Variants in CLIC4 observed in about 807,000 individuals in gnomAD.
The protein encoded by CLIC4 is chloride intracellular channel protein 4.
In CLIC4, 13 loss-of-function variants were observed where a neutral mutation model predicts 24.6. That is an observed-to-expected ratio of 0.53 (90% CI 0.34 to 0.84). The LOEUF (loss-of-function observed/expected upper bound fraction) is 0.84. Among genes scored for constraint, CLIC4 ranks in the 40% least tolerant of loss-of-function variants. The pLI is 0.01. For missense variants in CLIC4, 227 were observed against 301.7 expected (o/e 0.75, Z 1.83); for synonymous variants, 104 against 111.3 (o/e 0.93, Z 0.41).
At chr1:24,756,777 GTGGCGTGATCT>G (rs1638856657) in intron 1 of CLIC4, among the ~76,000 whole-genome samples, 1 of 151,872 alleles carries the variant, frequency 6.6e-6, no homozygotes, top group Non-Finnish European at 1.5e-5. Context: ...CTGGAGTGCA[GTGGCGTGATCT>G]TGGCTCACTG....
chr1:24,800,704 C>T (rs1024369054), intron 2 of CLIC4, among the ~76,000 whole-genome samples: 15 of 152,162 alleles, frequency 9.9e-5, no homozygotes, highest in African/African-American at 3.4e-4. Context: ...GGAGACTTTT[C>T]ATTTTGTTCT....
In CLIC4 at chr1:24,783,974, A is replaced by G. The variant is rs1160862101; in HGVS notation, c.73-13768A>G. ...ATCATGAGGAATTCAAAGTTTAACC[A>G]TGGGGCAAACTTCTTCATTCCAGTT... On this transcript the variant is annotated intron_variant, in intron 1 of 5. Coordinates refer to ENST00000374379, the MANE Select transcript of CLIC4 (RefSeq NM_013943.3). Among the ~76,000 whole-genome samples the G allele has an allele frequency of 2.6e-5, 4 of 150,980 alleles. No homozygotes were observed. In the East Asian group the frequency reaches 7.8e-4, roughly 29 times the overall value.
intron 1 of CLIC4, among the ~76,000 whole-genome samples, chr1:24,785,868 A>AG (rs1195971522): frequency 2.0e-5 from 3 of 151,194 alleles, no homozygotes; most frequent in Non-Finnish European, 4.4e-5. Flanking sequence ...AAAAAAAAAA[A>AG]AAAAAAAAGA....
intron 2 of CLIC4, among the ~76,000 whole-genome samples, chr1:24,802,711 C>CTTTTTTTTTTTTTT (rs535381018): frequency 7.3e-6 from 1 of 136,938 alleles, no homozygotes; most frequent in Non-Finnish European, 1.6e-5. Context: ...TTTTCTTTTT[C>CTTTTTTTTTTTTTT]TTTTTTTTTT....
intron 2 of CLIC4, among the ~76,000 whole-genome samples, chr1:24,811,859 C>A (rs544290419): frequency 6.6e-6 from 1 of 152,306 alleles, no homozygotes; most frequent in Non-Finnish European, 1.5e-5. Flanking sequence ...CACACCATAT[C>A]TGGTCATCTC....
chr1:24,835,407 A>G (rs560509987), intron 4 of CLIC4, among the ~76,000 whole-genome samples: 2 of 152,168 alleles, frequency 1.3e-5, no homozygotes, highest in Non-Finnish European at 2.9e-5. Flanking sequence ...TACTAAAAAT[A>G]CAAAAATCAG....
At chr1:24,777,888 T>C (rs530377380) in intron 1 of CLIC4, 7 of 152,362 alleles carry the variant, frequency 4.6e-5, no homozygotes, top group East Asian at 3.9e-4. Context: ...TGTGGAATGC[T>C]TCACAAATTT....
intron 2 of CLIC4, among the ~76,000 whole-genome samples, chr1:24,810,164 G>C (rs555991781): frequency 6.6e-6 from 1 of 152,244 alleles, no homozygotes; most frequent in African/African-American, 2.4e-5. Flanking sequence ...TAACCACAAT[G>C]CTCTGATCTC....
At chr1:24,802,050 C>T (rs914818674) in intron 2 of CLIC4, among the ~76,000 whole-genome samples, 2 of 152,130 alleles carry the variant, frequency 1.3e-5, no homozygotes, top group Admixed American at 1.3e-4. Context: ...AGGCACACAC[C>T]CTTACTGTGT....
At chr1:24,750,447 T>C in intron 1 of CLIC4, among the ~76,000 whole-genome samples, 1 of 151,190 alleles carries the variant, frequency 6.6e-6, no homozygotes, top group Admixed American at 6.6e-5. Context: ...TTTTTTTTTT[T>C]TTTTTTAAGA....
At chr1:24,840,744 TG>T in intron 5 of CLIC4, 28 bp from the exon 6 acceptor site, 1 of 1,565,842 alleles carries the variant, frequency 6.4e-7, no homozygotes, top group East Asian at 2.3e-5. Context: ...GAAATAAGTC[TG>T]TTAACTTTTG....
intron 1 of CLIC4, among the ~76,000 whole-genome samples, chr1:24,758,799 A>ATTTATT (rs1389061024): frequency 6.6e-6 from 1 of 151,612 alleles, no homozygotes; most frequent in Non-Finnish European, 1.5e-5. Flanking sequence ...ATTATTATTT[A>ATTTATT]TTTATTTTTA....
chr1:24,748,532 G>T (rs1333443150), intron 1 of CLIC4, among the ~76,000 whole-genome samples: 1 of 118,782 alleles, frequency 8.4e-6, no homozygotes, highest in Non-Finnish European at 1.7e-5. Flanking sequence ...TAATGAGATG[G>T]TGTCTCGCTC....
chr1:24,764,521 G>GC (rs1325841260), intron 1 of CLIC4, among the ~76,000 whole-genome samples: 1 of 152,064 alleles, frequency 6.6e-6, no homozygotes, highest in Non-Finnish European at 1.5e-5. Context: ...GTGTATTGAG[G>GC]CACACGCCTA....
At chr1:24,827,147 A>C (rs1432855130) in intron 4 of CLIC4, 31 bp downstream of exon 4, 1 of 1,398,018 alleles carries the variant, frequency 7.2e-7, no homozygotes. Context: ...TTAACATTGC[A>C]ACAAAAAACC....
chr1:24,808,542 G>T (rs1181634558), intron 2 of CLIC4, among the ~76,000 whole-genome samples: 8 of 150,796 alleles, frequency 5.3e-5, no homozygotes, highest in Non-Finnish European at 1.0e-4. Context: ...TTGAGACAGG[G>T]TCTCATTCTG....
chr1:24,796,977 CAG>C (rs1458421256), intron 1 of CLIC4, among the ~76,000 whole-genome samples: 1 of 146,852 alleles, frequency 6.8e-6, no homozygotes, highest in African/African-American at 2.5e-5. Context: ...TTTTTTGAGA[CAG>C]AGTCTCGCTC....
chr1:24,748,218 C>T (rs906545886), intron 1 of CLIC4, among the ~76,000 whole-genome samples: 15 of 152,034 alleles, frequency 9.9e-5, no homozygotes, highest in Admixed American at 3.3e-4. Flanking sequence ...GTGCAGTTTT[C>T]CAAACTTGAG....
At chr1:24,797,628 C>A in intron 1 of CLIC4, 114 bp from the exon 2 acceptor site, 1 of 634,048 alleles carries the variant, frequency 1.6e-6, no homozygotes, top group Non-Finnish European at 2.6e-6. Context: ...CTCTTCCTTC[C>A]ACAATGTAAC....
Sources: gnomAD v4.1 joint callset for allele counts (sites outside exome capture counted in the v4.1 genomes callset) on GRCh38, gnomAD v4.1.1 for gene constraint, MANE v1.5 for transcripts, NCBI Gene and HGNC (gene_info 2026-07-23, HGNC 2026-07-21) for gene names.